Variants in ASB7 observed in about 807,000 individuals in gnomAD.
The protein encoded by ASB7 is ankyrin repeat and SOCS box containing 7, also known as ankyrin repeat and SOCS box protein 7.
A neutral mutation model predicts 32.5 loss-of-function variants in ASB7; 4 were observed. The ratio of observed to expected loss-of-function variants is 0.12; its 90% CI spans 0.06 to 0.28. The LOEUF is 0.28. Ranked by LOEUF, ASB7 falls within the 10% of genes least tolerant of loss-of-function variation. ASB7 has a pLI of 1.00. For missense variants in ASB7, 181 were observed against 407.1 expected, an observed-to-expected ratio of 0.44 and a Z score of 4.78; for synonymous variants, 172 against 155.6, an observed-to-expected ratio of 1.11 and a Z score of -0.78.
intron 5 of ASB7, among the ~76,000 whole-genome samples, chr15:100,642,828 G>A (rs929082723): frequency 2.0e-4 from 31 of 152,216 alleles, no homozygotes; most frequent in Admixed American, 2.0e-3. Context: ...CCTGATGTCA[G>A]GAGTTTGAGA....
At chr15:100,646,566 A>C (rs190704814) in intron 5 of ASB7, 116 of 383,580 alleles carry the variant, frequency 3.0e-4, no homozygotes, top group African/African-American at 2.3e-3. Flanking sequence ...TAAGGTCAAC[A>C]CTTTAAGAGA....
intron 4 of ASB7, among the ~76,000 whole-genome samples, chr15:100,623,746 G>T (rs933995173): frequency 6.6e-6 from 1 of 152,122 alleles, no homozygotes; most frequent in Non-Finnish European, 1.5e-5. Context: ...TACGGCATCG[G>T]TGGGACTGTA....
chr15:100,645,922 G>C, intron 5 of ASB7: 1 of 634,460 alleles, frequency 1.6e-6, no homozygotes, highest in Non-Finnish European at 3.0e-6. Flanking sequence ...GCCAGAGAAG[G>C]TCACTATGGG....
intron 5 of ASB7, chr15:100,646,399 G>T: frequency 2.5e-6 from 1 of 395,556 alleles, no homozygotes; most frequent in Middle Eastern, 9.3e-4. Context: ...GTACTTCTCC[G>T]CGTATTCTCT....
chr15:100,602,766 G>GC lies in ASB7; in HGVS notation c.-552dup. 2.6e-6 allele frequency: 1 copy of GC among 385,858 alleles called. No homozygotes were observed. The highest frequency in any genetic ancestry group is 4.6e-6 in the Non-Finnish European group (1 of 218,590). 23.9% of individuals were successfully genotyped at this position (385,858 alleles called of 1,614,324 possible). ...CTGGAAGCCTCCGGCCCGGAGCGCG[G>GC]CAGCCCCCTGCTCCGAGCCCTGGAC... On this transcript the variant is annotated 5_prime_UTR_variant, in exon 1 of 6. It introduces an in-frame stop codon into an upstream open reading frame of the 5' UTR. Transcript: ENST00000332783.
chr15:100,618,082 G>A (rs946617977), intron 4 of ASB7, among the ~76,000 whole-genome samples: 3 of 152,128 alleles, frequency 2.0e-5, no homozygotes, highest in Admixed American at 6.5e-5. Flanking sequence ...AGCCGTACCT[G>A]TTACTTTCAA....
chr15:100,620,225 A>G (rs1433283120), intron 4 of ASB7, among the ~76,000 whole-genome samples: 1 of 152,216 alleles, frequency 6.6e-6, no homozygotes, highest in Non-Finnish European at 1.5e-5. Flanking sequence ...TTTTTCAATT[A>G]CTTATAATAC....
intron 5 of ASB7, among the ~76,000 whole-genome samples, chr15:100,636,042 C>T (rs561016854): frequency 5.3e-4 from 81 of 152,292 alleles, no homozygotes; most frequent in African/African-American, 1.9e-3. Flanking sequence ...GAGTGGGGGG[C>T]TTCTTAATAC....
At chr15:100,618,093 A>G (rs1051225643) in intron 4 of ASB7, among the ~76,000 whole-genome samples, 2 of 151,948 alleles carry the variant, frequency 1.3e-5, no homozygotes, top group African/African-American at 4.8e-5. Context: ...TTACTTTCAA[A>G]ACAGTATAGT....
chr15:100,625,631 A>G (rs543216233), intron 4 of ASB7, among the ~76,000 whole-genome samples: 1 of 152,324 alleles, frequency 6.6e-6, no homozygotes, highest in African/African-American at 2.4e-5. Context: ...AGAGATTGCC[A>G]TCCTTAGAGT....
rs1359371262 is a variant in ASB7 at position 100,629,245 on chromosome 15, A to G, written c.212-192A>G. On this transcript the variant is annotated intron_variant, in intron 4 of 5. Transcript: ENST00000332783. This position sits in a 1 kb window ranked among gnomAD's most constrained non-coding sequence, Gnocchi z 6.8. The stretch of plus-strand genomic sequence containing the variant: ...TCCTTTCATTAACCCAGACGTGATA[A>G]CATTCTACAAAATTTATTTTCCATT... 6.6e-6 allele frequency among the ~76,000 whole-genome samples: 1 copy of G among 152,252 alleles called. No homozygotes were observed. The highest frequency in any genetic ancestry group is 1.5e-5 in the Non-Finnish European group (1 of 68,044).
intron 2 of ASB7, among the ~76,000 whole-genome samples, chr15:100,607,840 T>G (rs2039659924): frequency 6.6e-6 from 1 of 152,212 alleles, no homozygotes; most frequent in Non-Finnish European, 1.5e-5. Context: ...GAATCTTTCT[T>G]GTTGGGAGAA....
chr15:100,629,998 C>G lies in ASB7; in HGVS notation c.773C>G (p.Ser258Cys), dbSNP rs1567115999. The G allele has an allele frequency of 6.2e-7, 1 of 1,611,452 alleles. No individual in the cohort carries two copies. The highest frequency in any genetic ancestry group is 8.5e-7 in the Non-Finnish European group (1 of 1,178,078). ...QTPLAVSISISGSSRPCLDFL... is the reference protein window; with the variant it reads ...QTPLAVSISICGSSRPCLDFL... ...CCATTGGCTGTTTCAATAAGTATTT[C>G]TGGAAGTAGTCGACCATGTTTGGAT... is the stretch of plus-strand genomic sequence containing the variant. Residue 258 changes from serine (S) to cysteine (C), a missense_variant, in exon 5 of 6, where the codon TCT becomes TGT. By Grantham distance (112) the Ser-to-Cys change is moderately radical (BLOSUM62 -1). Coordinates refer to ENST00000332783, the MANE Select transcript of ASB7 (RefSeq NM_198243.3). This position sits in a 1 kb window ranked among gnomAD's most constrained non-coding sequence, Gnocchi z 6.8.
chr15:100,643,896 C>G (rs1031266646), intron 5 of ASB7, among the ~76,000 whole-genome samples: 3 of 152,130 alleles, frequency 2.0e-5, no homozygotes, highest in Non-Finnish European at 2.9e-5. Flanking sequence ...TATACACATA[C>G]GTCAACTCTT....
At chr15:100,635,876 CT>C (rs2039918952) in intron 5 of ASB7, among the ~76,000 whole-genome samples, 1 of 152,206 alleles carries the variant, frequency 6.6e-6, no homozygotes, top group African/African-American at 2.4e-5. Context: ...CTGAGAAAGT[CT>C]TTCCCCCCGG....
intron 2 of ASB7, among the ~76,000 whole-genome samples, chr15:100,605,540 TTG>T (rs2039636909): frequency 6.6e-6 from 1 of 152,224 alleles, no homozygotes; most frequent in Non-Finnish European, 1.5e-5. Flanking sequence ...TCTCTTTAAT[TTG>T]TTCACGTTTA....
chr15:100,612,544 T>A, intron 4 of ASB7, 117 bp downstream of exon 4: 1 of 901,668 alleles, frequency 1.1e-6, no homozygotes, highest in Non-Finnish European at 1.7e-6. Flanking sequence ...CAACATATTA[T>A]TCTCTCTCCT....
Position 100,630,058 on chromosome 15 carries a change from ATTAC to A in ASB7, c.817+19_817+22del, listed in dbSNP as rs779190793. 2.1e-5 allele frequency: 33 copies of A among 1,540,478 alleles called. 1 individual carries two copies. The highest frequency in any genetic ancestry group is 3.6e-4 in the Middle Eastern group (2 of 5,602). On this transcript the variant is annotated intron_variant, in intron 5 of 5. Coordinates refer to ENST00000332783, the MANE Select transcript of ASB7 (RefSeq NM_198243.3). ...GAAGTCACAAGTATGTAATATAATT[ATTAC>A]TTTATTGCATTTTTTAAAAATTTGC...
intron 2 of ASB7, among the ~76,000 whole-genome samples, chr15:100,605,883 T>C (rs932742257): frequency 6.6e-6 from 1 of 152,256 alleles, no homozygotes; most frequent in Non-Finnish European, 1.5e-5. Flanking sequence ...TATTGGTTTC[T>C]CTGCTGGAAT....
Sources: gnomAD v4.1 joint callset for allele counts (sites outside exome capture counted in the v4.1 genomes callset) on GRCh38, gnomAD v4.1.1 for gene constraint, Gnocchi (gnomAD v3.1) non-coding constraint, MANE v1.5 for transcripts, NCBI Gene and HGNC (gene_info 2026-07-23, HGNC 2026-07-21) for gene names.